Variants in MSTO1 observed in about 807,000 individuals in gnomAD.
The protein encoded by MSTO1 is protein misato homolog 1.
Under a neutral mutation model 55.7 loss-of-function variants are expected in MSTO1, and 24 were observed. The observed-to-expected ratio is 0.43, with a 90% confidence interval of 0.31 to 0.61. The LOEUF (loss-of-function observed/expected upper bound fraction) is 0.61. MSTO1 is among the 20% of genes least tolerant of loss of function. The pLI is 0.09. For missense variants in MSTO1, 363 were observed against 625.7 expected (o/e 0.58, Z 4.48); for synonymous variants, 162 against 252.8 (o/e 0.64, Z 3.41).
chr1:155,586,746 T>C, the MSTO1 span: 1 of 453,636 alleles, frequency 2.2e-6, no homozygotes, highest in Non-Finnish European at 4.3e-6. Context: ...TTGTGCATAC[T>C]GCCTTTTATT....
At chr1:155,608,645 C>T (rs889466332), upstream of MSTO1, among the ~76,000 whole-genome samples, 6 of 151,050 alleles carry the variant, frequency 4.0e-5, no homozygotes, top group African/African-American at 1.5e-4. Context: ...GACTACAGGT[C>T]GCGCCCGTCA....
At chr1:155,608,599 ACGCCATTGTCCTGCCTC>A (rs921179720), upstream of MSTO1, among the ~76,000 whole-genome samples, 2 of 143,772 alleles carry the variant, frequency 1.4e-5, no homozygotes, top group Non-Finnish European at 1.5e-5. Flanking sequence ...TCCCGGGTTC[ACGCCATTGTCCTGCCTC>A]CGCCTCCCAA....
At chr1:155,587,534 G>C in the MSTO1 span, among the ~76,000 whole-genome samples, 1 of 150,380 alleles carries the variant, frequency 6.6e-6, no homozygotes, top group Non-Finnish European at 1.5e-5. Flanking sequence ...ACGAGGTCAG[G>C]AGATCGAGAC....
At chr1:155,597,334 G>T in the MSTO1 span, among the ~76,000 whole-genome samples, 13 of 151,444 alleles carry the variant, frequency 8.6e-5, no homozygotes. Context: ...GTAGGGCATA[G>T]TGGCGGGCGC....
the MSTO1 span, among the ~76,000 whole-genome samples, chr1:155,575,796 TTTTATTTA>T: frequency 0.028 from 4,064 of 144,700 alleles, 231 homozygotes; most frequent in Admixed American, 0.14. Flanking sequence ...CTTATTTTAT[TTTTATTTA>T]TTTATTTATT....
chr1:155,587,863 C>T, the MSTO1 span, among the ~76,000 whole-genome samples: 2 of 151,368 alleles, frequency 1.3e-5, no homozygotes, highest in African/African-American at 4.9e-5. Context: ...AACTTTATTT[C>T]TCTAGTTGAA....
the MSTO1 span, among the ~76,000 whole-genome samples, chr1:155,583,992 C>G: frequency 6.6e-6 from 1 of 152,210 alleles, no homozygotes; most frequent in Admixed American, 6.5e-5. Context: ...TTATTCACCA[C>G]TATAGACTCT....
At chr1:155,606,129 G>A (rs1195271643), upstream of MSTO1, among the ~76,000 whole-genome samples, 4 of 136,370 alleles carry the variant, frequency 2.9e-5, no homozygotes, top group South Asian at 9.8e-4. Context: ...CACCTCCTGG[G>A]TTTAAGCAAT....
At chr1:155,584,330 GC>G in the MSTO1 span, among the ~76,000 whole-genome samples, 1 of 152,008 alleles carries the variant, frequency 6.6e-6, no homozygotes. Flanking sequence ...CTGTACTCCA[GC>G]CTAGGTGGCA....
the MSTO1 span, among the ~76,000 whole-genome samples, chr1:155,577,584 A>G: frequency 6.6e-6 from 1 of 152,180 alleles, no homozygotes; most frequent in Non-Finnish European, 1.5e-5. Flanking sequence ...AAATCAGTTG[A>G]CCATGATGTA....
the MSTO1 span, among the ~76,000 whole-genome samples, chr1:155,575,869 C>T: frequency 2.0e-5 from 3 of 151,398 alleles, no homozygotes; most frequent in Non-Finnish European, 4.4e-5. Flanking sequence ...GTTGCCCAGG[C>T]TGCAGTGCAA....
chr1:155,612,209 G>A lies in MSTO1; in HGVS notation c.706G>A (p.Asp236Asn), dbSNP rs753488873. The A allele has an allele frequency of 2.5e-6, 4 of 1,612,798 alleles. No homozygotes were observed. Among genetic ancestry groups the A allele is most frequent in the East Asian group, 4.5e-5 (2 of 44,878 alleles). The change falls in exon 8 of 14, where the codon GAT (aspartate) becomes AAT (asparagine). Residue 236 changes from aspartate (D) to asparagine (N), a missense_variant. Asp to Asn is a conservative substitution (Grantham distance 23, BLOSUM62 1). Around this residue, in one of 3 missense-constraint regions of MSTO1, gnomAD observed 231 missense variants for 286.9 expected, o/e 0.81. Coordinates refer to ENST00000245564, the MANE Select transcript of MSTO1 (RefSeq NM_018116.4). ...QGFQILCDLHDGFSGVGAKAA... is the reference protein window; with the variant it reads ...QGFQILCDLHNGFSGVGAKAA... ...CTTCCAGATCCTGTGTGACCTGCAC[G>A]ATGGCTTCTCTGGGGTAGGCGCGAA...
chr1:155,573,959 T>A, the MSTO1 span, among the ~76,000 whole-genome samples: 1 of 152,180 alleles, frequency 6.6e-6, no homozygotes, highest in African/African-American at 2.4e-5. Context: ...TTCAAATTTA[T>A]ACCTTTTGCA....
chr1:155,575,472 C>T, the MSTO1 span, among the ~76,000 whole-genome samples: 1 of 151,832 alleles, frequency 6.6e-6, no homozygotes, highest in Non-Finnish European at 1.5e-5. Flanking sequence ...GTCAGGGTCT[C>T]ACTCTGTTGC....
upstream of MSTO1, among the ~76,000 whole-genome samples, chr1:155,607,854 G>A (rs1252415716): frequency 1.3e-5 from 2 of 152,142 alleles, no homozygotes; most frequent in East Asian, 1.9e-4. Flanking sequence ...AAAATTAGCC[G>A]GGTGCAGTGG....
chr1:155,596,095 G>A, the MSTO1 span, among the ~76,000 whole-genome samples: 1 of 152,100 alleles, frequency 6.6e-6, no homozygotes, highest in Admixed American at 6.6e-5. Context: ...TCTTAATATA[G>A]TCTGTGTGGA....
At chr1:155,600,366 G>C in the MSTO1 span, among the ~76,000 whole-genome samples, 1 of 152,216 alleles carries the variant, frequency 6.6e-6, no homozygotes, top group Non-Finnish European at 1.5e-5. Context: ...AGAGAGCACA[G>C]GGTTGGGGGT....
the MSTO1 span, among the ~76,000 whole-genome samples, chr1:155,590,034 T>G: frequency 3.1e-5 from 4 of 128,806 alleles, no homozygotes; most frequent in Non-Finnish European, 4.9e-5. Context: ...GACAGAAGGG[T>G]GCAGTGTTGG....
chr1:155,572,942 G>A, the MSTO1 span, among the ~76,000 whole-genome samples: 1 of 151,986 alleles, frequency 6.6e-6, no homozygotes, highest in African/African-American at 2.4e-5. Context: ...GAGCCACTGC[G>A]CCAGTCAAAA....
Sources: gnomAD v4.1 joint callset for allele counts (sites outside exome capture counted in the v4.1 genomes callset) on GRCh38, gnomAD v4.1.1 for gene constraint, gnomAD v4.1.1 regional missense constraint, MANE v1.5 for transcripts, NCBI Gene and HGNC (gene_info 2026-07-23, HGNC 2026-07-21) for gene names.